STPG4: variants seen among roughly 807,000 people sequenced by gnomAD.
STPG4 encodes the protein sperm-tail PG-rich repeat containing 4.
STPG4 carries 41 observed loss-of-function variants against 31.5 expected under a neutral mutation model. That is an observed-to-expected ratio of 1.30 (90% CI 1.01 to 1.69). The LOEUF is 1.69. STPG4 is among the 40% of genes most tolerant of loss of function. STPG4 has a pLI of 0.00. For missense variants in STPG4, 375 were observed against 293.4 expected, an observed-to-expected ratio of 1.28 and a Z score of -2.03; for synonymous variants, 141 against 103.0, an observed-to-expected ratio of 1.37 and a Z score of -2.24.
At chr2:47,120,908 C>CACATACACATACA (rs1686260271) in intron 5 of STPG4, 1 of 152,200 alleles carries the variant, frequency 6.6e-6, no homozygotes, top group Non-Finnish European at 1.5e-5. Context: ...CAACACACAA[C>CACATACACATACA]TATACATACA....
rs112023843 is a variant in STPG4 at position 47,110,683 on chromosome 2, T to C, written c.519+19258A>G. On this transcript the variant is annotated intron_variant, in intron 5 of 6. Transcript: ENST00000445927. ...CACCTTTAGTCACTGTGTCTCAGCA[T>C]AGCCATTAAAAGAATTTTAATGCAT... Among the ~76,000 whole-genome samples, 853 of 152,360 alleles carry C rather than the reference T, an allele frequency of 5.6e-3. 11 individuals carry two copies. The highest frequency in any genetic ancestry group is 0.012 in the South Asian group (60 of 4,828).
At chr2:47,115,073 C>T (rs1414772221) in intron 5 of STPG4, among the ~76,000 whole-genome samples, 3 of 152,078 alleles carry the variant, frequency 2.0e-5, no homozygotes, top group Non-Finnish European at 4.4e-5. Context: ...TGGCCTATTT[C>T]TTTTCTTCTA....
At chr2:47,155,150 G>C in intron 1 of STPG4, 21 bp downstream of exon 1, 3 of 1,612,240 alleles carry the variant, frequency 1.9e-6, no homozygotes, top group Non-Finnish European at 1.7e-6. Context: ...AGCCAGGCCG[G>C]CAAGGGGCAG....
At chr2:47,116,589 G>A (rs933073952) in intron 5 of STPG4, among the ~76,000 whole-genome samples, 2 of 152,124 alleles carry the variant, frequency 1.3e-5, no homozygotes, top group African/African-American at 4.8e-5. Context: ...CAGTTAATAA[G>A]GACATAAGTG....
At chr2:47,111,726 C>T (rs1573165426) in intron 5 of STPG4, among the ~76,000 whole-genome samples, 1 of 152,128 alleles carries the variant, frequency 6.6e-6, no homozygotes, top group Admixed American at 6.6e-5. Flanking sequence ...GGCGTCTACC[C>T]CAAAAGGCAC....
chr2:47,144,012 C>T (rs574688280), intron 3 of STPG4, among the ~76,000 whole-genome samples: 1 of 152,310 alleles, frequency 6.6e-6, no homozygotes, highest in South Asian at 2.1e-4. Context: ...ACCATCTTCT[C>T]CCTGTCCCAC....
At chr2:47,114,456 G>A (rs772305827) in intron 5 of STPG4, among the ~76,000 whole-genome samples, 16 of 152,150 alleles carry the variant, frequency 1.1e-4, no homozygotes, top group Non-Finnish European at 2.1e-4. Flanking sequence ...GCAGTGAGTC[G>A]AGATCACATG....
chr2:47,127,524 C>G (rs1573180995), intron 5 of STPG4, among the ~76,000 whole-genome samples: 1 of 152,238 alleles, frequency 6.6e-6, no homozygotes, highest in East Asian at 1.9e-4. Flanking sequence ...CTGCCTCAGC[C>G]TCCCAAAGTG....
chr2:47,110,499 CAGG>C (rs1456400235), intron 5 of STPG4, among the ~76,000 whole-genome samples: 1 of 152,182 alleles, frequency 6.6e-6, no homozygotes, highest in African/African-American at 2.4e-5. Context: ...GAGACTGAGG[CAGG>C]AGAATTGCTT....
At chr2:47,154,219 T>C (rs1686986687) in intron 1 of STPG4, among the ~76,000 whole-genome samples, 1 of 152,252 alleles carries the variant, frequency 6.6e-6, no homozygotes. Context: ...TTATGAAATA[T>C]GTTAATTTCT....
chr2:47,122,294 A>G (rs2103769811), intron 5 of STPG4, among the ~76,000 whole-genome samples: 1 of 152,216 alleles, frequency 6.6e-6, no homozygotes, highest in East Asian at 1.9e-4. Context: ...TTGCCTGTTA[A>G]CTTTGTTTGC....
chr2:47,103,752 G>T (rs187329550), intron 5 of STPG4, among the ~76,000 whole-genome samples: 2 of 151,984 alleles, frequency 1.3e-5, no homozygotes, highest in African/African-American at 4.8e-5. Context: ...CCCCTAACCA[G>T]ATGATCCAAC....
At chr2:47,139,648 G>C (rs1025085869) in intron 3 of STPG4, among the ~76,000 whole-genome samples, 3 of 152,006 alleles carry the variant, frequency 2.0e-5, no homozygotes, top group Non-Finnish European at 4.4e-5. Flanking sequence ...CAACAGTATA[G>C]ATCTCACGAA....
At chr2:47,150,157 C>T (rs971176094) in intron 3 of STPG4, among the ~76,000 whole-genome samples, 2 of 152,210 alleles carry the variant, frequency 1.3e-5, no homozygotes, top group African/African-American at 4.8e-5. Flanking sequence ...AGAGAATATA[C>T]ATGGAAGCCC....
At chr2:47,117,930 A>ATATATATATT (rs1491090707) in intron 5 of STPG4, among the ~76,000 whole-genome samples, 19 of 117,508 alleles carry the variant, frequency 1.6e-4, no homozygotes, top group African/African-American at 7.2e-4. Flanking sequence ...ATATATATAT[A>ATATATATATT]TTTTTTTTTT....
At chr2:47,150,528 T>C (rs1686913748) in intron 3 of STPG4, among the ~76,000 whole-genome samples, 1 of 151,920 alleles carries the variant, frequency 6.6e-6, no homozygotes, top group Non-Finnish European at 1.5e-5. Flanking sequence ...AAAAAAAATA[T>C]TTTTAGAGAC....
chr2:47,151,804 A>G (rs6713257), intron 2 of STPG4, among the ~76,000 whole-genome samples: 23,124 of 151,656 alleles, frequency 0.15, 2,193 homozygotes, highest in African/African-American at 0.26. Context: ...GCAGTGGCAC[A>G]ATCTAGGCTC....
intron 5 of STPG4, among the ~76,000 whole-genome samples, chr2:47,101,815 G>T (rs1285989027): frequency 6.6e-6 from 1 of 151,854 alleles, no homozygotes; most frequent in Admixed American, 6.6e-5. Flanking sequence ...CAACCCTGAA[G>T]ATCCCTTCCC....
At chr2:47,107,538 C>T (rs183297727) in intron 5 of STPG4, among the ~76,000 whole-genome samples, 3,960 of 152,272 alleles carry the variant, frequency 0.026, 197 homozygotes, top group African/African-American at 0.09. Flanking sequence ...TCAGGACCTG[C>T]AGCCCGCCAT....
Sources: gnomAD v4.1 joint callset for allele counts (sites outside exome capture counted in the v4.1 genomes callset) on GRCh38, gnomAD v4.1.1 for gene constraint, MANE v1.5 for transcripts, NCBI Gene and HGNC (gene_info 2026-07-23, HGNC 2026-07-21) for gene names.